The following GNA15 variants were observed in gnomAD, a reference collection of about 807,000 sequenced individuals.
GNA15 encodes guanine nucleotide-binding protein subunit alpha-15.
GNA15 carries 23 observed loss-of-function variants against 40.1 expected under a neutral mutation model. That is an observed-to-expected ratio of 0.57 (90% confidence interval 0.41 to 0.81). The LOEUF (loss-of-function observed/expected upper bound fraction) is 0.81, where lower values mean the gene tolerates loss of function less well. Among genes scored for constraint, GNA15 ranks in the 40% least tolerant of loss-of-function variants. The pLI is 0.00. For missense variants in GNA15, 522 were observed against 515.8 expected (o/e 1.01, Z -0.12); for synonymous variants, 226 against 210.4 (o/e 1.07, Z -0.64).
chr19:3,143,201 T>C (rs1468235353), intron 1 of GNA15: 1 of 152,140 alleles, frequency 6.6e-6, no homozygotes, highest in Non-Finnish European at 1.5e-5. Context: ...CATCTGCAAA[T>C]GGGAAAATCA....
At chr19:3,148,131 C>G (rs970998363) in intron 1 of GNA15, among the ~76,000 whole-genome samples, 21 of 151,926 alleles carry the variant, frequency 1.4e-4, no homozygotes, top group African/African-American at 5.1e-4. Flanking sequence ...CCCTGTCGCT[C>G]AGGCTGGAGT....
intron 1 of GNA15, among the ~76,000 whole-genome samples, chr19:3,140,061 A>ATCTC (rs1201751143): frequency 6.6e-6 from 1 of 151,178 alleles, no homozygotes; most frequent in East Asian, 1.9e-4. Flanking sequence ...CTATCTATCT[A>ATCTC]TCTATCTATC....
chr19:3,144,159 G>A (rs1015593584), intron 1 of GNA15, among the ~76,000 whole-genome samples: 2 of 146,558 alleles, frequency 1.4e-5, no homozygotes, highest in African/African-American at 2.5e-5. Context: ...TCCCCCTCTC[G>A]TGGTGAGGCT....
intron 6 of GNA15, 123 bp downstream of exon 6, chr19:3,158,004 T>C (rs966755603): frequency 9.4e-6 from 7 of 745,578 alleles, no homozygotes; most frequent in Non-Finnish European, 1.6e-5. Flanking sequence ...CAGACCCGCG[T>C]TCTAGACTCA....
At chr19:3,145,359 A>ATATATATATATATATTTTTT in intron 1 of GNA15, among the ~76,000 whole-genome samples, 5 of 46,962 alleles carry the variant, frequency 1.1e-4, no homozygotes, top group Non-Finnish European at 1.6e-4. Flanking sequence ...ATATATATAT[A>ATATATATATATATATTTTTT]TTTTTTTTTT....
intron 1 of GNA15, among the ~76,000 whole-genome samples, chr19:3,143,370 A>G (rs1568293682): frequency 1.3e-5 from 2 of 152,190 alleles, no homozygotes; most frequent in South Asian, 2.1e-4. Context: ...TTAGAAACCC[A>G]TAAGCTCAAG....
chr19:3,156,975 TAAC>T (rs1484853179), intron 5 of GNA15, among the ~76,000 whole-genome samples: 1 of 151,748 alleles, frequency 6.6e-6, no homozygotes, highest in Non-Finnish European at 1.5e-5. Context: ...ATGTACCCCA[TAAC>T]ACAAGGCATT....
intron 1 of GNA15, among the ~76,000 whole-genome samples, chr19:3,147,940 T>C (rs1914773360): frequency 6.6e-6 from 1 of 151,786 alleles, no homozygotes; most frequent in African/African-American, 2.4e-5. Context: ...ACAAAAACTT[T>C]CTGGCCACAC....
At chr19:3,156,409 G>A (rs113867312) in intron 5 of GNA15, among the ~76,000 whole-genome samples, 24 of 149,108 alleles carry the variant, frequency 1.6e-4, no homozygotes, top group South Asian at 4.3e-4. Context: ...GTACACATGC[G>A]CACACACATG....
chr19:3,150,040 C>G, intron 2 of GNA15, 91 bp from the exon 3 acceptor site: 1 of 1,105,208 alleles, frequency 9.0e-7, no homozygotes, highest in Non-Finnish European at 1.3e-6. Flanking sequence ...GAGCGTGTTT[C>G]AGGGAGGGAC....
chr19:3,160,822 C>A (rs1246340272), intron 6 of GNA15, among the ~76,000 whole-genome samples: 1 of 152,102 alleles, frequency 6.6e-6, no homozygotes, highest in African/African-American at 2.4e-5. Flanking sequence ...CATATCACTG[C>A]AATCTCTGCC....
At chr19:3,149,002 T>G (rs1233640907) in intron 2 of GNA15, 1 of 553,260 alleles carries the variant, frequency 1.8e-6, no homozygotes, top group East Asian at 3.0e-5. Flanking sequence ...CACACGCACA[T>G]GTATGCACAC....
In GNA15 at chr19:3,147,441, T is replaced by C. The variant is rs1296668819; in HGVS notation, c.146-1150T>C. On this transcript the variant is annotated intron_variant, in intron 1 of 6. Transcript: ENST00000262958. The stretch of plus-strand genomic sequence containing the variant: ...GGTGGCACGCGCCTGTTACCCCAGC[T>C]ACTTGGGAGGCTGAGGGAGGAGAAT... Among the ~76,000 whole-genome samples, 5 of 151,310 alleles carry C rather than the reference T, an allele frequency of 3.3e-5. No homozygotes were observed. In the East Asian group the frequency reaches 9.7e-4, roughly 29 times the overall value.
At chr19:3,152,582 C>T (rs1914905113) in intron 4 of GNA15, among the ~76,000 whole-genome samples, 1 of 152,066 alleles carries the variant, frequency 6.6e-6, no homozygotes, top group Non-Finnish European at 1.5e-5. Context: ...AACCCTAACC[C>T]AGCAGAGCAA....
chr19:3,145,359 A>ATATATATATACATT, intron 1 of GNA15, among the ~76,000 whole-genome samples: 9 of 46,968 alleles, frequency 1.9e-4, no homozygotes, highest in African/African-American at 7.3e-4. Flanking sequence ...ATATATATAT[A>ATATATATATACATT]TTTTTTTTTT....
chr19:3,144,629 C>T (rs1007417765), intron 1 of GNA15, among the ~76,000 whole-genome samples: 4 of 139,986 alleles, frequency 2.9e-5, no homozygotes, highest in Admixed American at 7.1e-5. Context: ...CCCCGGTTCA[C>T]GCCATTCTCC....
chr19:3,156,218 G>GCACATGCACACACA (rs1205862063), intron 5 of GNA15, among the ~76,000 whole-genome samples: 2 of 127,266 alleles, frequency 1.6e-5, no homozygotes, highest in African/African-American at 2.9e-5. Context: ...GTGCACACAC[G>GCACATGCACACACA]CACATACACA....
Position 3,150,380 on chromosome 19 carries a change from G to A in GNA15, c.485+95G>A, listed in dbSNP as rs189341850. On this transcript the variant is annotated intron_variant, in intron 3 of 6. Transcript: ENST00000262958. Reference sequence around the variant, plus strand: ...TCCTGCAGCAGGAGATATTGTGGGCGCAGATGGGCTGTGAGGTGGTCCTGC... The same window carrying A: ...TCCTGCAGCAGGAGATATTGTGGGCACAGATGGGCTGTGAGGTGGTCCTGC... 9.3e-3 allele frequency: 10,209 copies of A among 1,097,280 alleles called. 66 individuals carry two copies. Among genetic ancestry groups the A allele is most frequent in the Non-Finnish European group, 0.011 (8,435 of 774,024 alleles). The allele number at this position is 1,097,280 out of a possible 1,614,324, so 68.0% of individuals were successfully genotyped here.
chr19:3,162,152 T>A (rs993035189), intron 6 of GNA15, among the ~76,000 whole-genome samples: 2 of 152,084 alleles, frequency 1.3e-5, no homozygotes, highest in Non-Finnish European at 2.9e-5. Flanking sequence ...TAAAACCCTA[T>A]GCAGGGCTGG....
Sources: allele counts gnomAD v4.1 joint callset (sites outside exome capture counted in the v4.1 genomes callset), GRCh38; gene constraint gnomAD v4.1.1; transcripts MANE v1.5; gene names NCBI Gene and HGNC (gene_info 2026-07-23, HGNC 2026-07-21).